GANAB: variants seen among roughly 807,000 people sequenced by gnomAD.
The protein encoded by GANAB is glucosidase II alpha subunit.
Under a neutral mutation model 129.9 loss-of-function variants are expected in GANAB, and 35 were observed. That is an observed-to-expected ratio of 0.27 (90% CI 0.21 to 0.36). The LOEUF (loss-of-function observed/expected upper bound fraction) is 0.36, where lower values mean the gene tolerates loss of function less well. Ranked by LOEUF, GANAB falls within the 10% of genes least tolerant of loss-of-function variation. GANAB has a pLI of 1.00. For missense variants in GANAB, 939 were observed against 1,221.0 expected, an observed-to-expected ratio of 0.77 and a Z score of 3.44; for synonymous variants, 482 against 451.8, an observed-to-expected ratio of 1.07 and a Z score of -0.85.
chr11:62,634,709 C>A, intron 5 of GANAB, 112 bp downstream of exon 5: 1 of 880,510 alleles, frequency 1.1e-6, no homozygotes, highest in Non-Finnish European at 1.8e-6. Flanking sequence ...CTTCTCCCAG[C>A]CCCCAGGCCC....
At chr11:62,632,915 C>T (rs1943755594) in intron 8 of GANAB, 90 bp downstream of exon 8, 1 of 997,742 alleles carries the variant, frequency 1.0e-6, no homozygotes, top group African/African-American at 1.6e-5. Context: ...CCCATGCTTG[C>T]CTAGAGTATC....
intron 9 of GANAB, among the ~76,000 whole-genome samples, chr11:62,631,540 G>GCAA (rs1218965809): frequency 6.6e-6 from 1 of 150,506 alleles, no homozygotes; most frequent in Non-Finnish European, 1.5e-5. Context: ...TTAGCTCACT[G>GCAA]CAATCTCCAC....
intron 1 of GANAB, among the ~76,000 whole-genome samples, chr11:62,643,120 T>C (rs191831483): frequency 6.6e-6 from 1 of 152,328 alleles, no homozygotes; most frequent in East Asian, 1.9e-4. Flanking sequence ...AATAGGCTTA[T>C]TTAAATAAGT....
Position 62,631,120 on chromosome 11 carries a change from G to A in GANAB, c.1060C>T (p.Arg354Cys), listed in dbSNP as rs769469737. ...ATGATGCCAGTCTCTGACATCCAGCGAACATCTGTCTGTGGGGTCTCCCCA... is the reference window on the plus strand; with the variant it reads ...ATGATGCCAGTCTCTGACATCCAGCAAACATCTGTCTGTGGGGTCTCCCCA... Reference protein sequence around the residue: ...GSGETPQTDVRWMSETGIIDV... With the variant: ...GSGETPQTDVCWMSETGIIDV... Residue 354 changes from arginine to cysteine, a missense_variant, in exon 10 of 24, where the codon CGC becomes TGC. Physicochemically the swap from Arg to Cys is radical, Grantham distance 180. Around this residue, in one of 5 missense-constraint regions of GANAB, gnomAD observed 220 missense variants for 295.9 expected, o/e 0.74. Transcript: ENST00000356638. 7 of 1,611,554 alleles carry A rather than the reference G, an allele frequency of 4.3e-6. No individual in the cohort carries two copies. Among genetic ancestry groups the A allele is most frequent in the East Asian group, 2.2e-5 (1 of 44,760 alleles).
At chr11:62,642,716 T>C (rs1213411248) in intron 1 of GANAB, among the ~76,000 whole-genome samples, 1 of 152,048 alleles carries the variant, frequency 6.6e-6, no homozygotes, top group Non-Finnish European at 1.5e-5. Context: ...ACAGGCGTTG[T>C]GTCATCGCGC....
At position 62,640,228 on chromosome 11, in the gene GANAB, C is replaced by CAAAAA. The variant is rs869051826; in HGVS notation, c.39-502_39-498dup. On this transcript the variant is annotated intron_variant, in intron 1 of 23. Transcript: ENST00000356638. Reference sequence around the variant, plus strand: ...CTCCAGCCTGGGCGACAGAGCTAGACAAAAAAAAAAAAAAAAAAAAAAAAG... The same window carrying CAAAAA: ...CTCCAGCCTGGGCGACAGAGCTAGACAAAAAAAAAAAAAAAAAAAAAAAAAAAAAG... 5.0e-4 allele frequency among the ~76,000 whole-genome samples: 14 copies of CAAAAA among 28,024 alleles called. 2 individuals are homozygous for CAAAAA. The highest frequency in any genetic ancestry group is 1.7e-3 in the African/African-American group (8 of 4,746). 18.4% of individuals were successfully genotyped at this position (28,024 alleles called of 152,430 possible). A position where few individuals can be genotyped will look rare whatever the true frequency, so the allele number is the denominator to read the frequency against.
chr11:62,638,799 A>C (rs755869399), intron 4 of GANAB, among the ~76,000 whole-genome samples, 184 bp downstream of exon 4: 24 of 152,164 alleles, frequency 1.6e-4, no homozygotes, highest in Non-Finnish European at 2.9e-4. Flanking sequence ...TGAATGAATG[A>C]GGATAAAGGG....
chr11:62,631,484 G>A (rs1295837606), intron 9 of GANAB, among the ~76,000 whole-genome samples: 3 of 143,318 alleles, frequency 2.1e-5, no homozygotes, highest in Admixed American at 1.4e-4. Context: ...TTTTTTTTTA[G>A]ACAGAGTCTC....
In GANAB at chr11:62,634,992, A is replaced by G; in HGVS notation, c.389T>C (p.Val130Ala). ...CACACTGTTCTCATCACGACCAGAG[A>G]CAGAAAGCCTGGGAAACATATCAAA... ...VADPPIARLS[V>A]SGRDENSVEL... Residue 130 changes from valine to alanine, a missense_variant, in exon 5 of 24, where the codon GTC (valine) becomes GCC (alanine). By Grantham distance (64) the Val-to-Ala change is moderately conservative. Coordinates refer to ENST00000356638, the MANE Select transcript of GANAB (RefSeq NM_198334.3). 1 of 1,610,266 alleles carries G rather than the reference A, an allele frequency of 6.2e-7. No individual in the cohort carries two copies.
At position 62,626,801 on chromosome 11, in the gene GANAB, C is replaced by G; in HGVS notation, c.2397+59G>C. 3 of 1,388,768 alleles carry G rather than the reference C, an allele frequency of 2.2e-6. No homozygotes were observed. The South Asian group carries it at 3.6e-5, about 16-fold the overall frequency. 86.0% of individuals were successfully genotyped at this position (1,388,768 alleles called of 1,614,324 possible). A position where few individuals can be genotyped will look rare whatever the true frequency, so the allele number is the denominator to read the frequency against. On this transcript the variant is annotated intron_variant, in intron 20 of 23. Transcript: ENST00000356638. ...GTACTGGACCCTAAGGCACACATTC[C>G]CTCCCCTTCTGGAAATTTACAGGGA...
chr11:62,642,761 C>G (rs574790973), intron 1 of GANAB, among the ~76,000 whole-genome samples: 1 of 152,170 alleles, frequency 6.6e-6, no homozygotes, highest in East Asian at 1.9e-4. Context: ...GTTCCCTAAA[C>G]AACTCTAATG....
chr11:62,642,194 G>A (rs1259680401), intron 1 of GANAB, among the ~76,000 whole-genome samples: 1 of 152,014 alleles, frequency 6.6e-6, no homozygotes, highest in Admixed American at 6.6e-5. Context: ...GGGCAACAGA[G>A]CGTGACTCTG....
At chr11:62,635,173 T>C (rs1055391806) in intron 4 of GANAB, among the ~76,000 whole-genome samples, 173 bp from the exon 5 acceptor site, 1 of 151,866 alleles carries the variant, frequency 6.6e-6, no homozygotes, top group African/African-American at 2.4e-5. Context: ...GACCCAAGCA[T>C]ATTTATTACT....
rs1944088724 is a variant in GANAB at position 62,638,900 on chromosome 11, GA to G, written c.380+82del. On this transcript the variant is annotated intron_variant, in intron 4 of 23. Coordinates refer to ENST00000356638, the MANE Select transcript of GANAB (RefSeq NM_198334.3). ...CTAGTTAACTACTACCTTATTTTGGGAAAGAATATCAGCAACCAAAAAAAGG... is the reference window on the plus strand; with the variant it reads ...CTAGTTAACTACTACCTTATTTTGGGAAGAATATCAGCAACCAAAAAAAGG... 2.8e-6 allele frequency: 4 copies of G among 1,421,962 alleles called. No individual in the cohort carries two copies. In the East Asian group the frequency reaches 9.1e-5, roughly 33 times the overall value. 88.1% of individuals were successfully genotyped at this position (1,421,962 alleles called of 1,614,324 possible).
intron 10 of GANAB, 48 bp from the exon 11 acceptor site, chr11:62,630,884 A>G (rs369968500): frequency 1.2e-5 from 19 of 1,532,978 alleles, no homozygotes; most frequent in Non-Finnish European, 1.7e-5. Context: ...CAGGCCCAAC[A>G]CCCAGAAACT....
intron 1 of GANAB, among the ~76,000 whole-genome samples, chr11:62,641,364 T>G (rs1190889663): frequency 1.4e-5 from 2 of 146,980 alleles, no homozygotes; most frequent in Non-Finnish European, 3.0e-5. Flanking sequence ...AAAAAAGATG[T>G]ACCCTCAGCT....
At chr11:62,625,987 C>G in intron 23 of GANAB, 63 bp from the exon 24 acceptor site, 2 of 1,464,824 alleles carry the variant, frequency 1.4e-6, no homozygotes, top group Non-Finnish European at 1.9e-6. Context: ...CAACAACGTT[C>G]CTACAGGCAA....
Position 62,630,611 on chromosome 11 carries a change from T to C in GANAB, c.1376A>G (p.Lys459Arg). 1 of 1,612,016 alleles carries C rather than the reference T, an allele frequency of 6.2e-7. No homozygotes were observed. Among genetic ancestry groups the C allele is most frequent in the Non-Finnish European group, 8.5e-7 (1 of 1,178,240 alleles). The change falls in exon 11 of 24, where the codon AAG becomes AGG. Residue 459 changes from lysine to arginine, a missense_variant. Lys to Arg is a conservative substitution (Grantham distance 26, BLOSUM62 2). This residue lies in a region of GANAB where 220 missense variants were observed against 295.9 expected (regional missense o/e 0.74). Transcript: ENST00000356638. ...ACTGCAACCCCTTACCTTCCGCCTC[T>C]TAGAAGCCAAGCGCTCAAGCATGGT... ...PRTMLERLAS[K>R]RRKLVAIVDP... is the part of the protein sequence containing the mutation.
chr11:62,634,265 G>C (rs746716933), intron 5 of GANAB: 6 of 1,314,568 alleles, frequency 4.6e-6, no homozygotes, highest in Non-Finnish European at 6.6e-6. Flanking sequence ...TGAGGAATGG[G>C]TAAGGGCAGA....
Sources: allele counts gnomAD v4.1 joint callset (sites outside exome capture counted in the v4.1 genomes callset), GRCh38; gene constraint gnomAD v4.1.1; regional missense constraint gnomAD v4.1.1; transcripts MANE v1.5; gene names NCBI Gene and HGNC (gene_info 2026-07-23, HGNC 2026-07-21).